Variants in TUSC3 observed in about 807,000 individuals in gnomAD.
The protein encoded by TUSC3 is dolichyl-diphosphooligosaccharide--protein glycosyltransferase subunit TUSC3.
Under a neutral mutation model 44.8 loss-of-function variants are expected in TUSC3, and 45 were observed. The observed-to-expected ratio is 1.00, with a 90% CI of 0.79 to 1.29. TUSC3 has a LOEUF of 1.29. Ranked by LOEUF, TUSC3 falls within the 50% of genes most tolerant of loss-of-function variation. TUSC3 has a pLI of 0.00. For missense variants in TUSC3, 519 were observed against 437.9 expected, an observed-to-expected ratio of 1.19 and a Z score of -1.65; for synonymous variants, 212 against 152.9, an observed-to-expected ratio of 1.39 and a Z score of -2.85.
intron 2 of TUSC3, among the ~76,000 whole-genome samples, chr8:15,628,099 T>G (rs1805596277): frequency 6.6e-6 from 1 of 152,224 alleles, no homozygotes; most frequent in Non-Finnish European, 1.5e-5. Context: ...ATAAAACATT[T>G]CAGGCATTTA....
chr8:15,752,419 G>C (rs1012538180), intron 9 of TUSC3, among the ~76,000 whole-genome samples: 1 of 151,678 alleles, frequency 6.6e-6, no homozygotes. Flanking sequence ...TGAAAAGGAA[G>C]ATATATACAC....
chr8:15,665,747 A>T (rs892952913), intron 5 of TUSC3, among the ~76,000 whole-genome samples: 3 of 151,496 alleles, frequency 2.0e-5, no homozygotes, highest in African/African-American at 7.3e-5. Context: ...ATTAAAACAT[A>T]CATATACGTT....
intron 1 of TUSC3, among the ~76,000 whole-genome samples, chr8:15,577,795 G>A (rs1803173833): frequency 1.4e-5 from 2 of 145,680 alleles, no homozygotes; most frequent in African/African-American, 2.6e-5. Flanking sequence ...TTGGCGATGC[G>A]GGCTCTTTTT....
chr8:15,618,759 G>A (rs1455346187), intron 1 of TUSC3, among the ~76,000 whole-genome samples: 1 of 152,324 alleles, frequency 6.6e-6, no homozygotes, highest in East Asian at 1.9e-4. Context: ...GTAATTGCAT[G>A]TGCTGTGTTT....
chr8:15,564,821 A>T (rs930669220), intron 1 of TUSC3, among the ~76,000 whole-genome samples: 1 of 152,018 alleles, frequency 6.6e-6, no homozygotes, highest in Non-Finnish European at 1.5e-5. Context: ...CCCTGTTCTA[A>T]GGACTCATCT....
intron 1 of TUSC3, among the ~76,000 whole-genome samples, chr8:15,452,441 C>A (rs1800206362): frequency 6.6e-6 from 1 of 152,076 alleles, no homozygotes; most frequent in Non-Finnish European, 1.5e-5. Context: ...TACCTTTTTT[C>A]TTCCAGAATA....
chr8:15,774,195 C>CA, the TUSC3 span, among the ~76,000 whole-genome samples: 1 of 151,966 alleles, frequency 6.6e-6, no homozygotes, highest in Non-Finnish European at 1.5e-5. Flanking sequence ...AGCCAAAAGA[C>CA]AAAATCTCAA....
chr8:15,813,570 T>C, the TUSC3 span, among the ~76,000 whole-genome samples: 1 of 152,184 alleles, frequency 6.6e-6, no homozygotes, highest in Non-Finnish European at 1.5e-5. Context: ...TTAAGGCACA[T>C]TTTATTCTAG....
chr8:15,790,061 A>G, the TUSC3 span, among the ~76,000 whole-genome samples: 2 of 151,674 alleles, frequency 1.3e-5, no homozygotes, highest in South Asian at 4.2e-4. Context: ...ATTTATACTC[A>G]CTTTTAATTA....
rs552502694 is a variant in TUSC3, at chr8:15,573,939, A to G, written c.138+33371A>G. On this transcript the variant is annotated intron_variant, in intron 1 of 10. Transcript: ENST00000503731. Reference sequence around the variant, plus strand: ...GAGAATATTATCTTCTTCCCAGTAGATGGTAGAGAATGAAGAAGCTGACTA... The same window carrying G: ...GAGAATATTATCTTCTTCCCAGTAGGTGGTAGAGAATGAAGAAGCTGACTA... Among the ~76,000 whole-genome samples the G allele has an allele frequency of 3.9e-5, 6 of 152,240 alleles. No individual in the cohort carries two copies. The East Asian group carries it at 1.2e-3, about 29-fold the overall frequency.
rs143701309 is a variant in TUSC3, at chr8:15,753,602, A to G, written c.1029-4189A>G. The stretch of plus-strand genomic sequence containing the variant: ...TATGTGCTAAAGTTAACTTAGTAAT[A>G]ATATATTTTACTTGGAGTCATCTTT... On this transcript the variant is annotated intron_variant, in intron 9 of 10. Coordinates refer to ENST00000503731, the MANE Select transcript of TUSC3 (RefSeq NM_006765.4). Among the ~76,000 whole-genome samples the G allele has an allele frequency of 3.3e-3, 496 of 152,156 alleles. 2 individuals are homozygous for G. The highest frequency in any genetic ancestry group is 0.012 in the African/African-American group (482 of 41,510).
intron 2 of TUSC3, among the ~76,000 whole-genome samples, chr8:15,507,581 G>A (rs1300801973): frequency 6.6e-6 from 1 of 151,954 alleles, no homozygotes; most frequent in Non-Finnish European, 1.5e-5. Context: ...GTTAATTAAA[G>A]GTCTTCTAAA....
rs60092911 is a variant in TUSC3, at chr8:15,483,649, A to ATTTTTTTTTTTT, written n.189+179_189+190dup. On this transcript the variant is annotated intron_variant and non_coding_transcript_variant, in intron 2 of 5. Transcript: ENST00000503191. ...CCGTCGTGCCCAGCCTAGCACTGTGATTTTTTTTTTTTTTTTTTTTTTTTG... is the reference window on the plus strand; with the variant it reads ...CCGTCGTGCCCAGCCTAGCACTGTGATTTTTTTTTTTTTTTTTTTTTTTTTTTTTTTTTTTTG... Among the ~76,000 whole-genome samples the ATTTTTTTTTTTT allele has an allele frequency of 1.4e-3, 90 of 66,154 alleles. 10 individuals carry two copies. Among genetic ancestry groups the ATTTTTTTTTTTT allele is most frequent in the African/African-American group, 4.1e-3 (75 of 18,214 alleles). 43.4% of individuals were successfully genotyped at this position (66,154 alleles called of 152,430 possible).
chr8:15,774,166 C>T, the TUSC3 span, among the ~76,000 whole-genome samples: 3 of 151,990 alleles, frequency 2.0e-5, no homozygotes, highest in Non-Finnish European at 4.4e-5. Context: ...AAATATATAA[C>T]GAATTCTTAC....
chr8:15,557,913 A>G (rs1273158531), intron 1 of TUSC3, among the ~76,000 whole-genome samples: 4 of 74,974 alleles, frequency 5.3e-5, no homozygotes, highest in South Asian at 5.1e-4. Flanking sequence ...GGCTGAGACA[A>G]TGGGGTTTTC....
At position 15,588,462 on chromosome 8, in the gene TUSC3, C is replaced by T. The variant is rs184745726; in HGVS notation, c.139-34618C>T. ...TTCTTGTATATTCTGGATATTCGTT[C>T]CTTGTTGGATGAATAGTTTGCAAGT... On this transcript the variant is annotated intron_variant, in intron 1 of 10. Transcript: ENST00000503731. Among the ~76,000 whole-genome samples the T allele has an allele frequency of 3.0e-4, 45 of 152,156 alleles. No individual in the cohort carries two copies. The South Asian group carries it at 8.5e-3, about 29-fold the overall frequency.
rs1311488300 is a variant in TUSC3, at chr8:15,448,501, C to T, written n.91+31196C>T. ...AGATTTTACCCTTTCACAGATGTCC[C>T]TCCCAACTCCCTAGTCTTTCAAATG... On this transcript the variant is annotated intron_variant and non_coding_transcript_variant, in intron 1 of 5. Coordinates refer to the TUSC3 transcript ENST00000503191. 5.3e-5 allele frequency among the ~76,000 whole-genome samples: 8 copies of T among 152,204 alleles called. No individual in the cohort carries two copies. The East Asian group carries it at 1.5e-3, about 29-fold the overall frequency.
At chr8:15,677,482 C>G (rs1458927247) in intron 6 of TUSC3, among the ~76,000 whole-genome samples, 1 of 152,200 alleles carries the variant, frequency 6.6e-6, no homozygotes, top group Non-Finnish European at 1.5e-5. Flanking sequence ...GGGTTCTTTT[C>G]CAAACTCTGA....
At chr8:15,432,748 G>GC (rs1005637670) in intron 1 of TUSC3, among the ~76,000 whole-genome samples, 50 of 145,946 alleles carry the variant, frequency 3.4e-4, no homozygotes, top group African/African-American at 1.2e-3. Context: ...CCCTCACCCC[G>GC]CCCCCACACC....
Sources: allele counts gnomAD v4.1 joint callset (sites outside exome capture counted in the v4.1 genomes callset), GRCh38; gene constraint gnomAD v4.1.1; transcripts MANE v1.5; gene names NCBI Gene and HGNC (gene_info 2026-07-23, HGNC 2026-07-21).